TBC1D30: variants seen among roughly 807,000 people sequenced by gnomAD.
TBC1D30 encodes TBC1 domain family member 30, also known as TBC1 domain family, member 30.
A neutral mutation model predicts 63.2 loss-of-function variants in TBC1D30; 31 were observed. That is an observed-to-expected ratio of 0.49 (90% CI 0.37 to 0.66). TBC1D30 has a LOEUF of 0.66. TBC1D30 is among the 30% of genes least tolerant of loss of function. The probability of loss-of-function intolerance (pLI) is 0.00; values close to 1 mark genes in which losing one functional copy is unlikely to be tolerated. For synonymous variants in TBC1D30, 307 were observed against 361.5 expected, an observed-to-expected ratio of 0.85 and a Z score of 1.71; for missense variants, 810 against 953.6, an observed-to-expected ratio of 0.85 and a Z score of 1.98.
intron 6 of TBC1D30, among the ~76,000 whole-genome samples, chr12:64,837,945 CAG>C (rs1875513230): frequency 6.6e-6 from 1 of 152,218 alleles, no homozygotes; most frequent in Non-Finnish European, 1.5e-5. Context: ...TATAGGAAAA[CAG>C]ACATCTTTTT....
At chr12:64,792,578 A>G (rs545658976) in intron 2 of TBC1D30, among the ~76,000 whole-genome samples, 4 of 152,034 alleles carry the variant, frequency 2.6e-5, no homozygotes, top group African/African-American at 9.6e-5. Context: ...TTATTTATTT[A>G]TTTATTTTTG....
Position 64,864,659 on chromosome 12 carries a change from G to T in TBC1D30, c.1039-9G>T, listed in dbSNP as rs1878063995. Reference sequence around the variant, plus strand: ...TTTCAGACTTGGCATTTTTGCTTTTGTTTTACAGACTGTTTATTCCATGGC... The same window carrying T: ...TTTCAGACTTGGCATTTTTGCTTTTTTTTTACAGACTGTTTATTCCATGGC... On this transcript the variant is annotated splice_polypyrimidine_tract_variant and intron_variant, in intron 8 of 11. Coordinates refer to ENST00000539867, the MANE Select transcript of TBC1D30 (RefSeq NM_015279.2). The T allele has an allele frequency of 6.5e-7, 1 of 1,532,758 alleles. No homozygotes were observed. Among genetic ancestry groups the T allele is most frequent in the South Asian group, 1.2e-5 (1 of 83,800 alleles). The allele number at this position is 1,532,758 out of a possible 1,614,324, so 94.9% of individuals were successfully genotyped here.
intron 5 of TBC1D30, among the ~76,000 whole-genome samples, chr12:64,835,269 A>T (rs1210891269): frequency 6.6e-6 from 1 of 152,180 alleles, no homozygotes; most frequent in African/African-American, 2.4e-5. Flanking sequence ...GGTCCTCCTC[A>T]AGAGCATGCC....
intron 1 of TBC1D30, among the ~76,000 whole-genome samples, chr12:64,769,472 G>A (rs1010363360): frequency 6.6e-6 from 1 of 151,828 alleles, no homozygotes; most frequent in African/African-American, 2.4e-5. Flanking sequence ...CCACCTCCCG[G>A]ATTCAAGCAA....
intron 6 of TBC1D30, 131 bp from the exon 7 acceptor site, chr12:64,838,552 G>A (rs1034127788): frequency 8.6e-6 from 8 of 934,340 alleles, no homozygotes; most frequent in African/African-American, 3.3e-5. Context: ...AAGAACAAGA[G>A]TTTAGAAATA....
intron 8 of TBC1D30, among the ~76,000 whole-genome samples, chr12:64,856,054 C>A (rs948083665): frequency 1.3e-5 from 2 of 152,078 alleles, no homozygotes; most frequent in African/African-American, 4.8e-5. Flanking sequence ...AGCAGCATGA[C>A]CCTGGCATCT....
chr12:64,760,862 T>G (rs1391950738), intron 1 of TBC1D30, among the ~76,000 whole-genome samples: 1 of 152,156 alleles, frequency 6.6e-6, no homozygotes, highest in Non-Finnish European at 1.5e-5. Context: ...TTACTTTGTT[T>G]TTTTCACACA....
At position 64,875,613 on chromosome 12, in the gene TBC1D30, C is replaced by CA; in HGVS notation, c.2116dup (p.Thr706AsnfsTer5). On this transcript the variant is annotated frameshift_variant, in exon 12 of 12. Transcript: ENST00000539867. LOFTEE classifies it high-confidence loss of function. The stretch of plus-strand genomic sequence containing the variant: ...AGCAAAGCTCCCCAAGGCAGCAACT[C>CA]AAAAACCCCCATCTTTAGCCCTTTT... 6.5e-7 allele frequency: 1 copy of CA among 1,536,210 alleles called. No individual in the cohort carries two copies. The highest frequency in any genetic ancestry group is 8.7e-7 in the Non-Finnish European group (1 of 1,146,930).
chr12:64,811,203 A>G (rs1873200384), intron 2 of TBC1D30, among the ~76,000 whole-genome samples: 1 of 152,246 alleles, frequency 6.6e-6, no homozygotes. Flanking sequence ...AGTAAGTGTA[A>G]TATAGTGCAA....
chr12:64,807,917 A>AGTTTTTTTTTTT (rs1872968642), intron 2 of TBC1D30, among the ~76,000 whole-genome samples: 1 of 49,514 alleles, frequency 2.0e-5, no homozygotes, highest in Non-Finnish European at 3.4e-5. Context: ...GCCTAATTTA[A>AGTTTTTTTTTTT]GTTTTTTTTT....
At chr12:64,780,802 G>A in exon 1 of TBC1D30, 6 of 991,218 alleles carry the variant, frequency 6.1e-6, no homozygotes, top group South Asian at 4.3e-5. Context: ...GCCGCGCGCC[G>A]GGGACCATGG....
In TBC1D30 at chr12:64,876,532, C is replaced by T; in HGVS notation, c.*744C>T. On this transcript the variant is annotated 3_prime_UTR_variant, in exon 12 of 12. Transcript: ENST00000539867. Reference sequence around the variant, plus strand: ...GCTTGCTCGCGCCACTGAGCTTTTCCTGAGGTTTGTGTTCGCCTCTCAAGG... The same window carrying T: ...GCTTGCTCGCGCCACTGAGCTTTTCTTGAGGTTTGTGTTCGCCTCTCAAGG... The T allele has an allele frequency of 3.3e-6, 1 of 304,472 alleles. No individual in the cohort carries two copies. 18.9% of individuals were successfully genotyped at this position (304,472 alleles called of 1,614,324 possible).
At chr12:64,789,181 C>CTTTTTTTTTTT (rs369676415) in intron 2 of TBC1D30, among the ~76,000 whole-genome samples, 1 of 127,186 alleles carries the variant, frequency 7.9e-6, no homozygotes. Flanking sequence ...CCTTCTTCTT[C>CTTTTTTTTTTT]TTCTTTTTTT....
chr12:64,781,289 G>A, intron 1 of TBC1D30: 1 of 1,128,656 alleles, frequency 8.9e-7, no homozygotes, highest in Non-Finnish European at 1.1e-6. Flanking sequence ...GCAGAAAGGT[G>A]AGGGCCGGGC....
At chr12:64,861,215 G>A (rs564805156) in intron 8 of TBC1D30, among the ~76,000 whole-genome samples, 3 of 152,120 alleles carry the variant, frequency 2.0e-5, no homozygotes, top group Non-Finnish European at 4.4e-5. Context: ...CATATTTCTT[G>A]TAAAGCATAT....
At chr12:64,765,221 C>G (rs1244795) in intron 1 of TBC1D30, among the ~76,000 whole-genome samples, 105,727 of 151,988 alleles carry the variant, frequency 0.7, 38,289 homozygotes, top group African/African-American at 0.9. Context: ...GGCCGGGCAT[C>G]GTGGCTCACG....
At chr12:64,834,473 C>G (rs1255249499) in intron 5 of TBC1D30, among the ~76,000 whole-genome samples, 3 of 138,354 alleles carry the variant, frequency 2.2e-5, no homozygotes, top group Admixed American at 7.9e-5. Flanking sequence ...GTGGCATGAT[C>G]TTGTCTCACT....
rs546547312 is a variant in TBC1D30, at chr12:64,787,906, C to G, written c.643+1861C>G. Among the ~76,000 whole-genome samples, 4 of 152,158 alleles carry G rather than the reference C, an allele frequency of 2.6e-5. No individual in the cohort carries two copies. The East Asian group carries it at 5.8e-4, about 22-fold the overall frequency. ...TAAAAATTAGCTGGGTGTGGTGACACATCTGTAATCCCAGCTACTCAGGAG... is the reference window on the plus strand; with the variant it reads ...TAAAAATTAGCTGGGTGTGGTGACAGATCTGTAATCCCAGCTACTCAGGAG... On this transcript the variant is annotated intron_variant, in intron 2 of 12. Coordinates refer to the TBC1D30 transcript ENST00000542120.
chr12:64,769,680 C>G (rs1870838685), intron 1 of TBC1D30, among the ~76,000 whole-genome samples: 1 of 150,828 alleles, frequency 6.6e-6, no homozygotes, highest in Admixed American at 6.6e-5. Context: ...GCCACCGCAC[C>G]TGGCCTAATT....
Sources: allele counts gnomAD v4.1 joint callset (sites outside exome capture counted in the v4.1 genomes callset), GRCh38; gene constraint gnomAD v4.1.1; transcripts MANE v1.5; gene names NCBI Gene and HGNC (gene_info 2026-07-23, HGNC 2026-07-21).